The following NBEA variants were observed in gnomAD, a reference collection of about 807,000 sequenced individuals.
NBEA encodes the protein neurobeachin, also known as lysosomal-trafficking regulator 2.
NBEA carries 44 observed loss-of-function variants against 343.4 expected under a neutral mutation model. The observed-to-expected ratio is 0.13, with a 90% CI of 0.10 to 0.16. The LOEUF is 0.16. Ranked by LOEUF, NBEA falls within the 10% of genes least tolerant of loss-of-function variation. The probability of loss-of-function intolerance (pLI) is 1.00; values close to 1 mark genes in which losing one functional copy is unlikely to be tolerated. For missense variants in NBEA, 2,555 were observed against 3,631.3 expected (o/e 0.70, Z 7.62); for synonymous variants, 1,175 against 1,238.7 (o/e 0.95, Z 1.08).
chr13:35,631,532 A>G (rs764122929), intron 49 of NBEA, among the ~76,000 whole-genome samples: 32 of 151,984 alleles, frequency 2.1e-4, no homozygotes, highest in Admixed American at 3.3e-4. Context: ...AATTATGGCT[A>G]CACTAAACTC....
chr13:35,191,413 G>A (rs1310392952), intron 30 of NBEA, among the ~76,000 whole-genome samples: 4 of 152,030 alleles, frequency 2.6e-5, no homozygotes. Flanking sequence ...TCTCTTATGG[G>A]CGTATAAGTT....
chr13:35,106,250 T>C (rs1398266863), intron 11 of NBEA, among the ~76,000 whole-genome samples: 1 of 151,982 alleles, frequency 6.6e-6, no homozygotes, highest in East Asian at 1.9e-4. Flanking sequence ...AGTATAGATC[T>C]CTTTCTAAAA....
chr13:35,046,789 A>G (rs1315136228), intron 4 of NBEA, among the ~76,000 whole-genome samples: 1 of 152,094 alleles, frequency 6.6e-6, no homozygotes, highest in Non-Finnish European at 1.5e-5. Flanking sequence ...ACTGTGGTTG[A>G]CCATGGGTAA....
At chr13:35,560,638 C>T (rs1216236036) in intron 44 of NBEA, among the ~76,000 whole-genome samples, 2 of 152,152 alleles carry the variant, frequency 1.3e-5, no homozygotes, top group Non-Finnish European at 2.9e-5. Context: ...GTGACAAAGG[C>T]TTCAGTAGAT....
chr13:35,019,789 G>A (rs904681066), intron 1 of NBEA, among the ~76,000 whole-genome samples: 8 of 152,058 alleles, frequency 5.3e-5, no homozygotes, highest in Non-Finnish European at 7.4e-5. Context: ...AAATTCATAG[G>A]TATAAAGTTG....
intron 13 of NBEA, 73 bp downstream of exon 13, chr13:35,111,051 C>A: frequency 7.7e-7 from 1 of 1,305,964 alleles, no homozygotes; most frequent in Non-Finnish European, 1.1e-6. Flanking sequence ...TTAAAGTGAG[C>A]AGTGTACATG....
intron 17 of NBEA, among the ~76,000 whole-genome samples, chr13:35,130,391 G>C (rs1308492379): frequency 1.3e-5 from 2 of 151,772 alleles, no homozygotes; most frequent in Non-Finnish European, 2.9e-5. Flanking sequence ...CTAGGTAAGT[G>C]TATTACTTAT....
intron 17 of NBEA, among the ~76,000 whole-genome samples, chr13:35,136,331 T>C (rs995628390): frequency 2.6e-5 from 4 of 152,126 alleles, no homozygotes; most frequent in Non-Finnish European, 4.4e-5. Flanking sequence ...TGAGTGAAAA[T>C]AGTTCTTTTT....
At chr13:35,323,531 C>T (rs1184087690) in intron 36 of NBEA, among the ~76,000 whole-genome samples, 1 of 133,348 alleles carries the variant, frequency 7.5e-6, no homozygotes. Context: ...CACATGGACA[C>T]AGGAAGGGGA....
intron 10 of NBEA, among the ~76,000 whole-genome samples, chr13:35,077,027 A>G (rs1305845092): frequency 6.6e-6 from 1 of 152,112 alleles, no homozygotes; most frequent in Non-Finnish European, 1.5e-5. Flanking sequence ...TAGCTATAAT[A>G]CTGATTGTCA....
intron 35 of NBEA, among the ~76,000 whole-genome samples, chr13:35,295,441 T>C (rs1000312131): frequency 2.6e-5 from 4 of 152,046 alleles, no homozygotes; most frequent in African/African-American, 9.6e-5. Context: ...ATAATGTCAT[T>C]TCCAAGTTAA....
intron 8 of NBEA, among the ~76,000 whole-genome samples, chr13:35,069,590 C>T (rs886796081): frequency 6.6e-6 from 1 of 152,046 alleles, no homozygotes; most frequent in Non-Finnish European, 1.5e-5. Context: ...AAAAATTCAA[C>T]TTAAGCTCTG....
intron 29 of NBEA, among the ~76,000 whole-genome samples, chr13:35,182,938 A>AT (rs533806356): frequency 2.6e-5 from 4 of 151,924 alleles, no homozygotes; most frequent in Admixed American, 6.6e-5. Flanking sequence ...CAAAAGTTGG[A>AT]TTTTTTTCTT....
In NBEA at chr13:35,071,158, A is replaced by G. The variant is rs572932103; in HGVS notation, c.1571+306A>G. Among the ~76,000 whole-genome samples the G allele has an allele frequency of 7.2e-5, 11 of 152,218 alleles. No individual in the cohort carries two copies. In the South Asian group the frequency reaches 1.9e-3, roughly 26 times the overall value. ...TATTAATCCTGACCTTATCATTTGC[A>G]TATACTCATGGTTTGAATTGACCAT... On this transcript the variant is annotated intron_variant, in intron 10 of 58. Coordinates refer to ENST00000379939, the MANE Select transcript of NBEA (RefSeq NM_001385012.1).
chr13:35,542,676 G>A (rs2153006584), intron 41 of NBEA, among the ~76,000 whole-genome samples: 1 of 152,032 alleles, frequency 6.6e-6, no homozygotes, highest in South Asian at 2.1e-4. Flanking sequence ...CATTGCACAT[G>A]TTTAAATTAA....
intron 49 of NBEA, among the ~76,000 whole-genome samples, chr13:35,634,825 CT>C (rs201537422): frequency 0.01 from 1,576 of 152,128 alleles, 31 homozygotes; most frequent in African/African-American, 0.036. Context: ...CTTTTTCTAT[CT>C]TTTTCTCAAT....
At chr13:35,171,837 C>T (rs1394197248) in intron 26 of NBEA, among the ~76,000 whole-genome samples, 2 of 152,004 alleles carry the variant, frequency 1.3e-5, no homozygotes, top group Non-Finnish European at 2.9e-5. Context: ...ATGTCAGATA[C>T]ACATAATGCT....
chr13:35,179,738 A>G lies in NBEA; in HGVS notation c.4663-2622A>G. Reference sequence around the variant, plus strand: ...GTACTGAGTTTCTAGTGTTAGAAATAGAAGTATTATGGGATATTATGGTCT... The same window carrying G: ...GTACTGAGTTTCTAGTGTTAGAAATGGAAGTATTATGGGATATTATGGTCT... On this transcript the variant is annotated intron_variant, in intron 28 of 58. Transcript: ENST00000379939. The G allele has an allele frequency of 4.1e-6, 4 of 982,028 alleles. No homozygotes were observed. The South Asian group carries it at 1.9e-4, about 46-fold the overall frequency. The allele number at this position is 982,028 out of a possible 1,614,324, so 60.8% of individuals were successfully genotyped here.
chr13:35,123,004 A>G (rs569724775), intron 16 of NBEA, among the ~76,000 whole-genome samples: 2 of 152,290 alleles, frequency 1.3e-5, no homozygotes, highest in African/African-American at 4.8e-5. Context: ...TACCAAGAAA[A>G]CAGGGTTAGG....
Sources: allele counts gnomAD v4.1 joint callset (sites outside exome capture counted in the v4.1 genomes callset), GRCh38; gene constraint gnomAD v4.1.1; transcripts MANE v1.5; gene names NCBI Gene and HGNC (gene_info 2026-07-23, HGNC 2026-07-21).